Variants in TTC7B observed in about 807,000 individuals in gnomAD.
TTC7B encodes the protein tetratricopeptide repeat domain 7B, also known as tetratricopeptide repeat protein 7B.
Under a neutral mutation model 106.8 loss-of-function variants are expected in TTC7B, and 28 were observed. The observed-to-expected ratio is 0.26, with a 90% CI of 0.19 to 0.36. TTC7B has a LOEUF of 0.36. Among genes scored for constraint, TTC7B ranks in the 10% least tolerant of loss-of-function variants. The pLI, the probability that TTC7B is intolerant of heterozygous loss-of-function variation, is 1.00. For missense variants in TTC7B, 862 were observed against 1,076.4 expected, an observed-to-expected ratio of 0.80 and a Z score of 2.79; for synonymous variants, 405 against 430.6, an observed-to-expected ratio of 0.94 and a Z score of 0.74.
At position 90,816,258 on chromosome 14, in the gene TTC7B, T is replaced by C; in HGVS notation, c.38A>G (p.Glu13Gly). ...TKKAGSRLETEIERCRSECQW... is the reference protein window; with the variant it reads ...TKKAGSRLETGIERCRSECQW... Reference sequence around the variant, plus strand: ...GCACTCGGAGCGGCAGCGCTCGATCTCCGTCTCCAGCCGCGAGCCTGCCTT... The same window carrying C: ...GCACTCGGAGCGGCAGCGCTCGATCCCCGTCTCCAGCCGCGAGCCTGCCTT... The change falls in exon 1 of 20, where the codon GAG (glutamate) becomes GGG (glycine). Residue 13 changes from glutamate to glycine, a missense_variant. Glu to Gly is a moderately conservative substitution (Grantham distance 98). Transcript: ENST00000328459. 1 of 1,248,728 alleles carries C rather than the reference T, an allele frequency of 8.0e-7. No homozygotes were observed. Among genetic ancestry groups the C allele is most frequent in the Non-Finnish European group, 1.0e-6 (1 of 965,486 alleles). 77.4% of individuals were successfully genotyped at this position (1,248,728 alleles called of 1,614,324 possible).
At chr14:90,765,062 TCCA>T (rs1273847819) in intron 3 of TTC7B, among the ~76,000 whole-genome samples, 1 of 152,236 alleles carries the variant, frequency 6.6e-6, no homozygotes, top group African/African-American at 2.4e-5. Flanking sequence ...TAACCTGCTG[TCCA>T]CCAACTGATG....
At chr14:90,561,884 T>A (rs1324113835) in intron 19 of TTC7B, among the ~76,000 whole-genome samples, 2 of 152,192 alleles carry the variant, frequency 1.3e-5, no homozygotes, top group Non-Finnish European at 2.9e-5. Context: ...TTGCTATAGC[T>A]GGGATTAGCA....
chr14:90,768,983 G>T (rs1890776320), intron 3 of TTC7B, among the ~76,000 whole-genome samples: 1 of 152,116 alleles, frequency 6.6e-6, no homozygotes, highest in Admixed American at 6.5e-5. Context: ...AGAATTATTA[G>T]CTTATGTTTT....
At chr14:90,546,555 T>G (rs1889839966) in intron 19 of TTC7B, among the ~76,000 whole-genome samples, 1 of 152,198 alleles carries the variant, frequency 6.6e-6, no homozygotes, top group African/African-American at 2.4e-5. Context: ...GCTAGAGCCC[T>G]TGTCCATCTG....
At chr14:90,598,833 C>T (rs1670273535) in intron 17 of TTC7B, among the ~76,000 whole-genome samples, 1 of 152,224 alleles carries the variant, frequency 6.6e-6, no homozygotes, top group Admixed American at 6.5e-5. Context: ...CAAAGGGATC[C>T]CAGCACCAAT....
chr14:90,625,083 C>T (rs1398044446), intron 15 of TTC7B, among the ~76,000 whole-genome samples: 1 of 152,176 alleles, frequency 6.6e-6, no homozygotes, highest in Non-Finnish European at 1.5e-5. Flanking sequence ...AAGTGAGCAT[C>T]TGTCACCAGG....
chr14:90,558,599 T>C (rs1890427371), intron 19 of TTC7B, among the ~76,000 whole-genome samples: 2 of 152,258 alleles, frequency 1.3e-5, no homozygotes, highest in African/African-American at 4.8e-5. Flanking sequence ...AAACACCTTC[T>C]GATGAAGGGA....
At chr14:90,727,459 G>A (rs1482010612) in intron 5 of TTC7B, among the ~76,000 whole-genome samples, 3 of 152,264 alleles carry the variant, frequency 2.0e-5, no homozygotes, top group Non-Finnish European at 2.9e-5. Flanking sequence ...GAGCGGCAAC[G>A]CTGTGAGGAC....
chr14:90,676,728 T>A, intron 8 of TTC7B, 68 bp from the exon 9 acceptor site: 1 of 1,557,282 alleles, frequency 6.4e-7, no homozygotes, highest in Non-Finnish European at 8.7e-7. Flanking sequence ...GGAGTCCACC[T>A]AGGCCCTCCT....
At chr14:90,800,988 C>T (rs540093666) in intron 1 of TTC7B, among the ~76,000 whole-genome samples, 8 of 152,192 alleles carry the variant, frequency 5.3e-5, no homozygotes. Context: ...GAGTTTGAGA[C>T]CAGGCTATAC....
rs1566891563 is a variant in TTC7B, at chr14:90,794,207, A to ACTT, written c.122-7880_122-7879insAAG. ...TGTGAGCCACTGCACCTGGCTGGGT[A>ACTT]TTTCTTTTTTTTTTTTTTTTTTTTT... is the stretch of plus-strand genomic sequence containing the variant. On this transcript the variant is annotated intron_variant, in intron 1 of 19. Coordinates refer to ENST00000328459, the MANE Select transcript of TTC7B (RefSeq NM_001010854.2). Among the ~76,000 whole-genome samples, 3 of 130,618 alleles carry ACTT rather than the reference A, an allele frequency of 2.3e-5. 1 individual carries two copies. The allele number at this position is 130,618 out of a possible 152,430, so 85.7% of individuals were successfully genotyped here.
chr14:90,587,462 C>T (rs1240103845), intron 18 of TTC7B, among the ~76,000 whole-genome samples: 1 of 152,166 alleles, frequency 6.6e-6, no homozygotes, highest in African/African-American at 2.4e-5. Flanking sequence ...GCTCAGGCTG[C>T]CCCCAGGTCT....
Position 90,807,171 on chromosome 14 carries a change from G to A in TTC7B, c.121+9004C>T, listed in dbSNP as rs774443878. On this transcript the variant is annotated intron_variant, in intron 1 of 19. Transcript: ENST00000328459. This position sits in a 1 kb window ranked among gnomAD's most constrained non-coding sequence, Gnocchi z 4.1. Reference sequence around the variant, plus strand: ...AGAAAAGTCTCAGGCCAACCAGGACGAGTTGGTCACCCTCACGCCACCACC... The same window carrying A: ...AGAAAAGTCTCAGGCCAACCAGGACAAGTTGGTCACCCTCACGCCACCACC... Among the ~76,000 whole-genome samples the A allele has an allele frequency of 2.6e-5, 4 of 152,088 alleles. No individual in the cohort carries two copies. The highest frequency in any genetic ancestry group is 1.3e-4 in the Admixed American group (2 of 15,260).
intron 1 of TTC7B, among the ~76,000 whole-genome samples, chr14:90,814,101 A>G (rs1482631723): frequency 6.6e-6 from 1 of 152,204 alleles, no homozygotes; most frequent in East Asian, 1.9e-4. Flanking sequence ...TCTATGTCCC[A>G]TGAGTTTCCC....
chr14:90,704,820 T>G (rs1888140571), intron 5 of TTC7B, among the ~76,000 whole-genome samples: 1 of 152,214 alleles, frequency 6.6e-6, no homozygotes, highest in Non-Finnish European at 1.5e-5. Flanking sequence ...TGACCAGAAG[T>G]CAACCCTCTG....
chr14:90,551,154 AGAG>A (rs1208009887), intron 19 of TTC7B, among the ~76,000 whole-genome samples: 1 of 152,326 alleles, frequency 6.6e-6, no homozygotes, highest in African/African-American at 2.4e-5. Context: ...AGAGGGCCAG[AGAG>A]GAGAACAGCC....
intron 13 of TTC7B, chr14:90,648,786 G>T (rs572364045): frequency 6.6e-6 from 1 of 152,202 alleles, no homozygotes; most frequent in Non-Finnish European, 1.5e-5. Context: ...GAAAAATCAT[G>T]GTTTCTCTCA....
At chr14:90,557,512 T>C (rs1019245674) in intron 19 of TTC7B, among the ~76,000 whole-genome samples, 18 of 152,210 alleles carry the variant, frequency 1.2e-4, no homozygotes, top group African/African-American at 4.3e-4. Context: ...ACCTACTATA[T>C]CCTTAGTGTG....
At chr14:90,812,634 A>T (rs879406847) in intron 1 of TTC7B, among the ~76,000 whole-genome samples, 1 of 118,650 alleles carries the variant, frequency 8.4e-6, no homozygotes, top group African/African-American at 3.3e-5. Context: ...TCCCACCCCC[A>T]CCCTTAACTT....
Sources: gnomAD v4.1 joint callset for allele counts (sites outside exome capture counted in the v4.1 genomes callset) on GRCh38, gnomAD v4.1.1 for gene constraint, Gnocchi (gnomAD v3.1) non-coding constraint, MANE v1.5 for transcripts, NCBI Gene and HGNC (gene_info 2026-07-23, HGNC 2026-07-21) for gene names.